CUL2: variants seen among roughly 807,000 people sequenced by gnomAD.
The protein encoded by CUL2 is cullin 2.
CUL2 carries 22 observed loss-of-function variants against 110.2 expected under a neutral mutation model. The observed-to-expected ratio is 0.20, with a 90% CI of 0.14 to 0.28. The LOEUF (loss-of-function observed/expected upper bound fraction) is 0.28, where lower values mean the gene tolerates loss of function less well. CUL2 is among the 10% of genes least tolerant of loss of function. The pLI, the probability that CUL2 is intolerant of heterozygous loss-of-function variation, is 1.00. For synonymous variants in CUL2, 279 were observed against 293.2 expected (o/e 0.95, Z 0.49); for missense variants, 631 against 905.5 (o/e 0.70, Z 3.89).
At chr10:35,061,786 T>C (rs1416233201) in intron 3 of CUL2, among the ~76,000 whole-genome samples, 1 of 151,348 alleles carries the variant, frequency 6.6e-6, no homozygotes, top group Non-Finnish European at 1.5e-5. Context: ...TTTTTTTTTT[T>C]TGGTACAGGT....
intron 15 of CUL2, among the ~76,000 whole-genome samples, chr10:35,029,121 G>A (rs957122845): frequency 6.7e-6 from 1 of 150,102 alleles, no homozygotes; most frequent in African/African-American, 2.5e-5. Flanking sequence ...GCAGTGGCAC[G>A]ATCTCCGCTC....
chr10:35,093,103 G>A (rs1033868306), upstream of CUL2, among the ~76,000 whole-genome samples: 4 of 151,924 alleles, frequency 2.6e-5, no homozygotes, highest in Non-Finnish European at 5.9e-5. Flanking sequence ...AGCACTCAAG[G>A]ACTGTTTTCC....
chr10:35,012,413 G>T (rs556214692), intron 19 of CUL2, among the ~76,000 whole-genome samples: 11 of 152,264 alleles, frequency 7.2e-5, no homozygotes, highest in Middle Eastern at 3.4e-3. Flanking sequence ...AATCTTTCAT[G>T]ACGCTTTTAG....
intron 1 of CUL2, among the ~76,000 whole-genome samples, chr10:35,122,409 C>G (rs967555329): frequency 9.2e-5 from 14 of 152,154 alleles, no homozygotes; most frequent in Non-Finnish European, 2.1e-4. Flanking sequence ...ACCTCTCAGC[C>G]TCTACTTTCT....
chr10:35,087,805 TTCTCCAATCAACAGTCTGA>T (rs1270457067), intron 1 of CUL2, among the ~76,000 whole-genome samples: 3 of 152,224 alleles, frequency 2.0e-5, no homozygotes, highest in Non-Finnish European at 4.4e-5. Flanking sequence ...TGTGTCTCTC[TTCTCCAATCAACAGTCTGA>T]TTCTCAATCA....
intron 17 of CUL2, among the ~76,000 whole-genome samples, chr10:35,022,488 A>G (rs2085227388): frequency 1.3e-5 from 2 of 152,212 alleles, no homozygotes; most frequent in African/African-American, 4.8e-5. Context: ...TTCTCAAGAA[A>G]CAGAACTCTG....
chr10:35,035,015 C>T lies in CUL2; in HGVS notation c.1002+157G>A, dbSNP rs971605995. On this transcript the variant is annotated intron_variant, in intron 10 of 20. Transcript: ENST00000374749. ...ATAATCTGATAATTCCAAAATGAGT[C>T]CAACAAATTCTAGGTTTAAAACATT... Among the ~76,000 whole-genome samples the T allele has an allele frequency of 1.3e-4, 20 of 152,192 alleles. 1 individual carries two copies. Among genetic ancestry groups the T allele is most frequent in the African/African-American group, 4.3e-4 (18 of 41,452 alleles).
chr10:35,019,865 G>A (rs771829640), intron 17 of CUL2, among the ~76,000 whole-genome samples: 1 of 152,154 alleles, frequency 6.6e-6, no homozygotes, highest in Non-Finnish European at 1.5e-5. Flanking sequence ...ACTACATTAG[G>A]TTCCTGGAAC....
chr10:35,054,692 AAATAT>A lies in CUL2; in HGVS notation c.318-158_318-154del, dbSNP rs1486030254. On this transcript the variant is annotated intron_variant, in intron 4 of 20. Coordinates refer to ENST00000374749, the MANE Select transcript of CUL2 (RefSeq NM_003591.4). The stretch of plus-strand genomic sequence containing the variant: ...AAGAAATGAATTATGTAGAGATTAG[AAATAT>A]AATAAAAATTAAAATTATCAGCCCA... 2.0e-5 allele frequency among the ~76,000 whole-genome samples: 3 copies of A among 152,332 alleles called. No homozygotes were observed. In the East Asian group the frequency reaches 5.8e-4, roughly 29 times the overall value.
intron 2 of CUL2, among the ~76,000 whole-genome samples, chr10:35,069,532 C>G (rs2086626857): frequency 6.6e-6 from 1 of 150,772 alleles, no homozygotes; most frequent in African/African-American, 2.4e-5. Context: ...CAAAGTGAGA[C>G]CCTGTCTCTA....
chr10:35,081,846 T>C (rs946314261), intron 1 of CUL2, among the ~76,000 whole-genome samples: 1 of 152,162 alleles, frequency 6.6e-6, no homozygotes, highest in East Asian at 1.9e-4. Flanking sequence ...TACAATCTAC[T>C]GTATTTGCTG....
At chr10:35,105,038 T>C (rs1319023270) in intron 1 of CUL2, among the ~76,000 whole-genome samples, 3 of 151,150 alleles carry the variant, frequency 2.0e-5, no homozygotes, top group South Asian at 4.2e-4. Context: ...CCAAAGACTC[T>C]TAAAGATATA....
At chr10:35,122,357 T>C (rs1431782330) in intron 1 of CUL2, among the ~76,000 whole-genome samples, 1 of 152,232 alleles carries the variant, frequency 6.6e-6, no homozygotes, top group Non-Finnish European at 1.5e-5. Context: ...TTCAGGGTTA[T>C]AGTCCTAATA....
chr10:35,016,067 C>T (rs773037005), intron 18 of CUL2, 125 bp downstream of exon 18: 21 of 745,586 alleles, frequency 2.8e-5, no homozygotes, highest in Non-Finnish European at 3.7e-5. Context: ...CGTACAGTAA[C>T]GTAGTGAATA....
chr10:35,029,010 C>A (rs1005241863), intron 15 of CUL2, 123 bp from the exon 16 acceptor site: 3 of 611,168 alleles, frequency 4.9e-6, no homozygotes, highest in Non-Finnish European at 8.5e-6. Flanking sequence ...TTGATGAAAT[C>A]TGAGTATTTC....
chr10:35,050,009 G>T (rs919107027), intron 5 of CUL2, among the ~76,000 whole-genome samples: 2 of 152,080 alleles, frequency 1.3e-5, no homozygotes, highest in Non-Finnish European at 2.9e-5. Flanking sequence ...AAAATCTTAA[G>T]AAATAATTGA....
intron 2 of CUL2, among the ~76,000 whole-genome samples, chr10:35,070,594 T>C (rs1383053347): frequency 2.0e-5 from 3 of 152,308 alleles, no homozygotes; most frequent in Non-Finnish European, 2.9e-5. Flanking sequence ...CCAATCTGCA[T>C]TGTTACATAA....
chr10:35,049,612 T>C (rs1414772058), intron 6 of CUL2, 71 bp downstream of exon 6: 1 of 1,278,284 alleles, frequency 7.8e-7, no homozygotes, highest in East Asian at 2.4e-5. Context: ...GCTCTGCAAT[T>C]GTACACTATT....
At position 35,106,959 on chromosome 10, in the gene CUL2, TTG is replaced by T. The variant is rs2087465776; in HGVS notation, c.-50-5901_-50-5900del. On this transcript the variant is annotated intron_variant, in intron 1 of 5. Transcript: ENST00000685421. ...TGCATTGCCCTTAACCTGTTTTTTT[TTG>T]TTGTTTTTTTGTTTGTTTGTTTTTT... 2.7e-5 allele frequency among the ~76,000 whole-genome samples: 4 copies of T among 149,946 alleles called. No individual in the cohort carries two copies. The South Asian group carries it at 8.4e-4, about 32-fold the overall frequency.
Sources: gnomAD v4.1 joint callset for allele counts (sites outside exome capture counted in the v4.1 genomes callset) on GRCh38, gnomAD v4.1.1 for gene constraint, MANE v1.5 for transcripts, NCBI Gene and HGNC (gene_info 2026-07-23, HGNC 2026-07-21) for gene names.